Variants in ST3GAL3 observed in about 807,000 individuals in gnomAD.
ST3GAL3 encodes the protein CMP-N-acetylneuraminate-beta-1,4-galactoside alpha-2,3-sialyltransferase.
A neutral mutation model predicts 50.1 loss-of-function variants in ST3GAL3; 21 were observed. The observed-to-expected ratio is 0.42, with a 90% CI of 0.30 to 0.60. The LOEUF (loss-of-function observed/expected upper bound fraction) is 0.60. Ranked by LOEUF, ST3GAL3 falls within the 20% of genes least tolerant of loss-of-function variation. The pLI is 0.19. For missense variants in ST3GAL3, 353 were observed against 489.4 expected (o/e 0.72, Z 2.63); for synonymous variants, 183 against 190.0 (o/e 0.96, Z 0.30).
intron 1 of ST3GAL3, among the ~76,000 whole-genome samples, chr1:43,720,082 A>G (rs2154071095): frequency 6.6e-6 from 1 of 152,236 alleles, no homozygotes; most frequent in Middle Eastern, 3.4e-3. Flanking sequence ...ATCTTTACAA[A>G]AAATAGAATA....
chr1:43,908,399 C>T (rs1251456340), intron 9 of ST3GAL3, among the ~76,000 whole-genome samples: 1 of 152,310 alleles, frequency 6.6e-6, no homozygotes, highest in South Asian at 2.1e-4. Context: ...ACCAGCAGCA[C>T]CAGTATCACC....
chr1:43,815,793 ATC>A (rs1198456212), intron 4 of ST3GAL3, among the ~76,000 whole-genome samples: 1 of 152,130 alleles, frequency 6.6e-6, no homozygotes, highest in Non-Finnish European at 1.5e-5. Flanking sequence ...TCCTTCCAGG[ATC>A]CTTCCCTACT....
intron 6 of ST3GAL3, among the ~76,000 whole-genome samples, chr1:43,895,180 T>C (rs990253183): frequency 6.6e-6 from 1 of 151,768 alleles, no homozygotes; most frequent in African/African-American, 2.4e-5. Context: ...CCCCCAGGAG[T>C]GCCCCACGTC....
intron 2 of ST3GAL3, among the ~76,000 whole-genome samples, chr1:43,784,738 A>C (rs1008801630): frequency 1.3e-5 from 2 of 152,244 alleles, no homozygotes; most frequent in African/African-American, 2.4e-5. Flanking sequence ...ACATAAGTAT[A>C]CTGCATCAAC....
chr1:43,815,883 TTGGATGGATGGA>T (rs3838469), intron 4 of ST3GAL3, among the ~76,000 whole-genome samples: 11 of 145,282 alleles, frequency 7.6e-5, no homozygotes, highest in East Asian at 2.1e-4. Flanking sequence ...GAATGCTTGG[TTGGATGGATGGA>T]TGGATGGATG....
intron 2 of ST3GAL3, among the ~76,000 whole-genome samples, chr1:43,751,205 T>C (rs6669157): frequency 0.69 from 104,858 of 151,952 alleles, 36,521 homozygotes; most frequent in Non-Finnish European, 0.73. Flanking sequence ...TTATTTTATT[T>C]TTCCATATTG....
intron 3 of ST3GAL3, among the ~76,000 whole-genome samples, chr1:43,804,253 C>T (rs750347765): frequency 2.0e-5 from 3 of 152,190 alleles, no homozygotes; most frequent in African/African-American, 4.8e-5. Context: ...AAAGGAGATG[C>T]GCTGGGATCT....
At chr1:43,852,347 G>A (rs981943498) in intron 5 of ST3GAL3, among the ~76,000 whole-genome samples, 4 of 152,298 alleles carry the variant, frequency 2.6e-5, no homozygotes, top group Non-Finnish European at 5.9e-5. Flanking sequence ...AATCTGTTTG[G>A]TCTCATGGAA....
intron 9 of ST3GAL3, among the ~76,000 whole-genome samples, chr1:43,917,977 G>A (rs984842335): frequency 4.7e-5 from 7 of 148,130 alleles, no homozygotes; most frequent in South Asian, 2.1e-4. Context: ...CTTATTTTGC[G>A]TATATTTTTG....
intron 1 of ST3GAL3, among the ~76,000 whole-genome samples, chr1:43,734,060 G>C (rs755438280): frequency 1.3e-5 from 2 of 151,988 alleles, no homozygotes; most frequent in African/African-American, 4.8e-5. Context: ...GCAGTGAACC[G>C]AGATCGTGCC....
chr1:43,779,645 A>G (rs2154140948), intron 2 of ST3GAL3, among the ~76,000 whole-genome samples: 1 of 152,236 alleles, frequency 6.6e-6, no homozygotes, highest in South Asian at 2.1e-4. Context: ...TGTCACACTC[A>G]CCACTCCTCT....
chr1:43,873,588 C>T (rs769427833), intron 5 of ST3GAL3, among the ~76,000 whole-genome samples: 4 of 151,918 alleles, frequency 2.6e-5, no homozygotes, highest in Admixed American at 1.3e-4. Context: ...GGTTTGAGAC[C>T]ATCCTGGCTA....
intron 5 of ST3GAL3, among the ~76,000 whole-genome samples, chr1:43,873,173 A>G (rs1449939089): frequency 1.3e-5 from 2 of 152,178 alleles, no homozygotes; most frequent in South Asian, 4.1e-4. Context: ...TTGGGAGGCT[A>G]TTGTGACCTA....
intron 2 of ST3GAL3, among the ~76,000 whole-genome samples, chr1:43,765,091 A>G (rs918732909): frequency 6.6e-6 from 1 of 152,174 alleles, no homozygotes; most frequent in African/African-American, 2.4e-5. Flanking sequence ...ACTACCCCCA[A>G]ATTTCAGTGG....
At chr1:43,831,022 G>T (rs769167092) in intron 4 of ST3GAL3, among the ~76,000 whole-genome samples, 8 of 152,180 alleles carry the variant, frequency 5.3e-5, no homozygotes, top group Non-Finnish European at 1.2e-4. Context: ...CCACATTGCT[G>T]TAGGTATTCA....
intron 2 of ST3GAL3, among the ~76,000 whole-genome samples, chr1:43,765,753 C>CTG (rs778848698): frequency 0.15 from 16,868 of 115,288 alleles, 1,198 homozygotes; most frequent in Non-Finnish European, 0.2. Context: ...CTGTGTGTGT[C>CTG]TGTGTGTGTG....
intron 1 of ST3GAL3, 68 bp from the exon 2 acceptor site, chr1:43,736,165 C>T: frequency 1.4e-6 from 2 of 1,408,848 alleles, no homozygotes; most frequent in East Asian, 2.3e-5. Context: ...TCTATAGATA[C>T]TTTAAGAGAG....
chr1:43,853,530 C>G lies in ST3GAL3; in HGVS notation c.302+15219C>G, dbSNP rs1382683149. Among the ~76,000 whole-genome samples, 4 of 152,350 alleles carry G rather than the reference C, an allele frequency of 2.6e-5. No homozygotes were observed. The South Asian group carries it at 8.3e-4, about 32-fold the overall frequency. On this transcript the variant is annotated intron_variant, in intron 5 of 11. Transcript: ENST00000347631. ...AGTCCACATATTTAACAACCGCCTT[C>G]TACTTCCTCTCACAGCTGCTGTTTC...
At chr1:43,884,185 A>T (rs1475950773) in intron 5 of ST3GAL3, among the ~76,000 whole-genome samples, 2 of 152,172 alleles carry the variant, frequency 1.3e-5, no homozygotes, top group African/African-American at 4.8e-5. Context: ...ATCTAGTCCC[A>T]TGTAAGATAC....
Sources: gnomAD v4.1 joint callset for allele counts (sites outside exome capture counted in the v4.1 genomes callset) on GRCh38, gnomAD v4.1.1 for gene constraint, MANE v1.5 for transcripts, NCBI Gene and HGNC (gene_info 2026-07-23, HGNC 2026-07-21) for gene names.